The following ETV5 variants were observed in gnomAD, a reference collection of about 807,000 sequenced individuals.
ETV5 encodes the protein ETS variant transcription factor 5.
A neutral mutation model predicts 70.0 loss-of-function variants in ETV5; 10 were observed. That is an observed-to-expected ratio of 0.14 (90% CI 0.09 to 0.24). The LOEUF (loss-of-function observed/expected upper bound fraction) is 0.24, where lower values mean the gene tolerates loss of function less well. Ranked by LOEUF, ETV5 falls within the 10% of genes least tolerant of loss-of-function variation. The pLI is 1.00. For missense variants in ETV5, 453 were observed against 651.2 expected, an observed-to-expected ratio of 0.70 and a Z score of 3.31; for synonymous variants, 216 against 242.2, an observed-to-expected ratio of 0.89 and a Z score of 1.01.
intron 6 of ETV5, 132 bp from the exon 7 acceptor site, chr3:186,080,236 C>A: frequency 1.6e-6 from 1 of 638,542 alleles, no homozygotes; most frequent in Non-Finnish European, 2.4e-6. Context: ...TTAAATCGCT[C>A]GTAGCCCCGA....
At position 186,048,458 on chromosome 3, in the gene ETV5, C is replaced by T. The variant is rs1289291483; in HGVS notation, c.*181G>A. 5 of 608,686 alleles carry T rather than the reference C, an allele frequency of 8.2e-6. No homozygotes were observed. The highest frequency in any genetic ancestry group is 1.4e-5 in the Non-Finnish European group (5 of 344,902). 37.7% of individuals were successfully genotyped at this position (608,686 alleles called of 1,614,324 possible). On this transcript the variant is annotated 3_prime_UTR_variant, in exon 13 of 13. Coordinates refer to ENST00000306376, the MANE Select transcript of ETV5 (RefSeq NM_004454.3). ...GGTGGTTTTCTGCCCCTCCCTGTTC[C>T]CACTCCCCAGCCAATGTATCTGTCT...
At chr3:186,080,233 G>A (rs190094875) in intron 6 of ETV5, 129 bp from the exon 7 acceptor site, 6 of 671,348 alleles carry the variant, frequency 8.9e-6, no homozygotes, top group East Asian at 6.8e-5. Flanking sequence ...TAGTTAAATC[G>A]CTCGTAGCCC....
chr3:186,088,170 A>C (rs1447049562), intron 5 of ETV5, among the ~76,000 whole-genome samples: 5 of 152,100 alleles, frequency 3.3e-5, no homozygotes, highest in African/African-American at 1.2e-4. Flanking sequence ...TTCCCAAATC[A>C]GCTGTGCAGG....
chr3:186,077,992 C>T, intron 7 of ETV5: 4 of 1,061,390 alleles, frequency 3.8e-6, no homozygotes, highest in Non-Finnish European at 4.6e-6. Context: ...AAAAGAAATA[C>T]CTGCATTCTG....
rs146875211 is a variant in ETV5 at position 186,065,895 on chromosome 3, C to G, written c.828G>C (p.Pro276=). 7.4e-6 allele frequency: 12 copies of G among 1,613,826 alleles called. No homozygotes were observed. Among genetic ancestry groups the G allele is most frequent in the Non-Finnish European group, 1.0e-5 (12 of 1,179,928 alleles). ...CGTGTGCTGGGGGCCCTGGCATGCCCGGGACCCCATGTTCATAGAGTGGGT... is the reference window on the plus strand; with the variant it reads ...CGTGTGCTGGGGGCCCTGGCATGCCGGGGACCCCATGTTCATAGAGTGGGT... ...YHDPLYEHGV[P]GMPGPPAHGF... is the part of the protein sequence containing the mutation. Residue 276 remains proline (P), a synonymous_variant, in exon 8 of 13, where the codon CCG becomes CCC. Coordinates refer to ENST00000306376, the MANE Select transcript of ETV5 (RefSeq NM_004454.3).
At chr3:186,063,492 G>C (rs958033404) in intron 9 of ETV5, among the ~76,000 whole-genome samples, 3 of 152,204 alleles carry the variant, frequency 2.0e-5, no homozygotes, top group African/African-American at 7.2e-5. Context: ...AGAGTGAGAT[G>C]ATCTCAGAGA....
At position 186,047,852 on chromosome 3, in the gene ETV5, G is replaced by C. The variant is rs1279079482; in HGVS notation, c.*787C>G. 1.3e-5 allele frequency: 3 copies of C among 233,404 alleles called. No individual in the cohort carries two copies. Among genetic ancestry groups the C allele is most frequent in the East Asian group, 6.0e-5 (1 of 16,596 alleles). 14.5% of individuals were successfully genotyped at this position (233,404 alleles called of 1,614,324 possible). On this transcript the variant is annotated 3_prime_UTR_variant, in exon 13 of 13. Transcript: ENST00000306376. ...AACTACAAAAATCAGTTTATAAACT[G>C]TTTTTCCAAAACAACCACCAAAACA...
At chr3:186,094,423 G>GC (rs796499605) in intron 5 of ETV5, among the ~76,000 whole-genome samples, 142 of 152,302 alleles carry the variant, frequency 9.3e-4, no homozygotes, top group Middle Eastern at 3.4e-3. Flanking sequence ...AAAACTGAAT[G>GC]CCAATGGTAG....
chr3:186,103,291 C>T (rs940810620), intron 5 of ETV5, among the ~76,000 whole-genome samples: 4 of 152,068 alleles, frequency 2.6e-5, no homozygotes. Flanking sequence ...TCTAAAGAGC[C>T]AAAACACATT....
rs1165631447 is a variant in ETV5, at chr3:186,081,088, G to A, written c.320C>T (p.Ala107Val). The change falls in exon 6 of 13, where the codon GCT becomes GTT. Residue 107 changes from alanine (A) to valine (V), a missense_variant. Coordinates refer to ENST00000306376, the MANE Select transcript of ETV5 (RefSeq NM_004454.3). ...CTTTTCTCCATAGTTAGCACCAAGA[G>A]CCTGCTCATGGCTACAAGACGACAG... is the stretch of plus-strand genomic sequence containing the variant. ...SELSSCSHEQ[A>V]LGANYGEKCL... 7 of 1,613,736 alleles carry A rather than the reference G, an allele frequency of 4.3e-6. No homozygotes were observed. The highest frequency in any genetic ancestry group is 5.1e-6 in the Non-Finnish European group (6 of 1,179,770).
At position 186,057,014 on chromosome 3, in the gene ETV5, C is replaced by CA. The variant is rs1713181429; in HGVS notation, c.1209+60dup. 6.3e-7 allele frequency: 1 copy of CA among 1,575,988 alleles called. No homozygotes were observed. Reference sequence around the variant, plus strand: ...CAAAAAGCCTCAATGGAAATCTAAACAAAAAACATCATCAACAACAACAAA... The same window carrying CA: ...CAAAAAGCCTCAATGGAAATCTAAACAAAAAAACATCATCAACAACAACAAA... On this transcript the variant is annotated intron_variant, in intron 11 of 12. Transcript: ENST00000306376. The surrounding 1 kb of genome is among the most constrained non-coding windows in gnomAD (Gnocchi z 4.9).
At chr3:186,058,318 T>C (rs1713216337) in intron 9 of ETV5, among the ~76,000 whole-genome samples, 1 of 152,178 alleles carries the variant, frequency 6.6e-6, no homozygotes. Flanking sequence ...AGGTAACAGA[T>C]AACTTGGATG....
intron 7 of ETV5, chr3:186,077,886 G>C (rs946875510): frequency 4.3e-5 from 21 of 489,382 alleles, no homozygotes; most frequent in Admixed American, 5.5e-5. Context: ...GTGTGTGTGA[G>C]AGCTTTGAAT....
intron 9 of ETV5, among the ~76,000 whole-genome samples, chr3:186,062,690 A>G (rs1304888446): frequency 6.6e-6 from 1 of 152,180 alleles, no homozygotes; most frequent in African/African-American, 2.4e-5. Flanking sequence ...AAACAACTGA[A>G]TTTATGCATC....
At chr3:186,099,803 G>C (rs1370230514) in intron 5 of ETV5, among the ~76,000 whole-genome samples, 10 of 152,186 alleles carry the variant, frequency 6.6e-5, no homozygotes, top group Admixed American at 6.5e-4. Context: ...CCAGGATTTT[G>C]TTACTTCTGG....
intron 7 of ETV5, chr3:186,079,156 T>C (rs1029747258): frequency 4.2e-6 from 4 of 944,182 alleles, no homozygotes; most frequent in Non-Finnish European, 5.2e-6. Context: ...GCATCCGAGA[T>C]TCTAGAATAC....
Position 186,106,452 on chromosome 3 carries a change from A to G in ETV5, c.-74-510T>C, listed in dbSNP as rs187703010. On this transcript the variant is annotated intron_variant, in intron 1 of 12. Coordinates refer to ENST00000306376, the MANE Select transcript of ETV5 (RefSeq NM_004454.3). ...TTGTAGGTCACTGTTAAAACACTAT[A>G]TATAGTTCCTGGAATAAATTGATCA... is the stretch of plus-strand genomic sequence containing the variant. Among the ~76,000 whole-genome samples the G allele has an allele frequency of 2.7e-3, 411 of 152,328 alleles. 1 individual carries two copies. The highest frequency in any genetic ancestry group is 4.5e-3 in the Non-Finnish European group (307 of 68,026).
chr3:186,055,793 T>C (rs1190889360), intron 11 of ETV5, among the ~76,000 whole-genome samples: 1 of 152,218 alleles, frequency 6.6e-6, no homozygotes, highest in Non-Finnish European at 1.5e-5. Flanking sequence ...CGTATTTCTC[T>C]GGTGTGCTAA....
At chr3:186,066,282 C>CAAAAAAAAAAAAAAAAAA (rs1356517173) in intron 7 of ETV5, among the ~76,000 whole-genome samples, 4 of 44,882 alleles carry the variant, frequency 8.9e-5, no homozygotes, top group African/African-American at 1.6e-4. Flanking sequence ...AAAAAAAAAT[C>CAAAAAAAAAAAAAAAAAA]AAAGCAATGA....
Sources: allele counts gnomAD v4.1 joint callset (sites outside exome capture counted in the v4.1 genomes callset), GRCh38; gene constraint gnomAD v4.1.1; non-coding constraint Gnocchi (gnomAD v3.1); transcripts MANE v1.5; gene names NCBI Gene and HGNC (gene_info 2026-07-23, HGNC 2026-07-21).